CRISPLD2: variants seen among roughly 807,000 people sequenced by gnomAD.
CRISPLD2 encodes cysteine-rich secretory protein LCCL domain-containing 2.
A neutral mutation model predicts 71.1 loss-of-function variants in CRISPLD2; 47 were observed. That is an observed-to-expected ratio of 0.66 (90% CI 0.52 to 0.84). The LOEUF is 0.84. Among genes scored for constraint, CRISPLD2 ranks in the 40% least tolerant of loss-of-function variants. The pLI is 0.00. For missense variants in CRISPLD2, 830 were observed against 651.1 expected (o/e 1.27, Z -2.99); for synonymous variants, 317 against 250.1 (o/e 1.27, Z -2.52).
chr16:84,864,712 G>A (rs770357524), intron 6 of CRISPLD2, among the ~76,000 whole-genome samples: 12 of 152,234 alleles, frequency 7.9e-5, no homozygotes, highest in Non-Finnish European at 1.6e-4. Context: ...TTGTTGAGCA[G>A]CTGCTGTGTG....
chr16:84,871,202 C>T (rs1273312794), intron 8 of CRISPLD2, among the ~76,000 whole-genome samples: 1 of 152,150 alleles, frequency 6.6e-6, no homozygotes, highest in African/African-American at 2.4e-5. Flanking sequence ...TTTTCTTAAA[C>T]ATTAGAGTGA....
chr16:84,827,877 T>C (rs985190688), intron 1 of CRISPLD2, among the ~76,000 whole-genome samples: 2 of 152,184 alleles, frequency 1.3e-5, no homozygotes, highest in Non-Finnish European at 2.9e-5. Flanking sequence ...TACAGTGCCC[T>C]TTCTTTAAGA....
At chr16:84,887,376 A>C (rs2071622422) in intron 13 of CRISPLD2, among the ~76,000 whole-genome samples, 2 of 152,214 alleles carry the variant, frequency 1.3e-5, no homozygotes, top group South Asian at 4.1e-4. Flanking sequence ...CAGTCCACTG[A>C]CAGCCACGGC....
intron 6 of CRISPLD2, 148 bp downstream of exon 6, chr16:84,854,977 G>GT (rs1917197380): frequency 1.5e-6 from 1 of 672,276 alleles, no homozygotes; most frequent in Non-Finnish European, 2.7e-6. Context: ...TCCCGCCTCC[G>GT]TGATGAGCTG....
chr16:84,896,724 C>T (rs1247930341), intron 14 of CRISPLD2, among the ~76,000 whole-genome samples: 5 of 152,158 alleles, frequency 3.3e-5, no homozygotes, highest in African/African-American at 4.8e-5. Context: ...CGCGACCCAC[C>T]GTAAGTCAGG....
At chr16:84,901,925 C>T (rs1448433771) in intron 14 of CRISPLD2, among the ~76,000 whole-genome samples, 3 of 150,806 alleles carry the variant, frequency 2.0e-5, no homozygotes, top group Non-Finnish European at 4.4e-5. Context: ...TCCCAAGTAG[C>T]TGGGATTACA....
intron 13 of CRISPLD2, among the ~76,000 whole-genome samples, chr16:84,885,872 G>A (rs988985261): frequency 9.2e-5 from 13 of 141,254 alleles, no homozygotes; most frequent in Admixed American, 9.0e-4. Context: ...AGGCTGGAGT[G>A]CAGTGGTGCC....
At chr16:84,838,921 C>T (rs753449782) in intron 2 of CRISPLD2, 186 bp downstream of exon 2, 65 of 808,002 alleles carry the variant, frequency 8.0e-5, no homozygotes, top group Non-Finnish European at 1.1e-4. Flanking sequence ...CAGGGTCTCA[C>T]TCTGCCACTG....
chr16:84,872,777 C>T (rs560739101), intron 9 of CRISPLD2, among the ~76,000 whole-genome samples: 1 of 152,182 alleles, frequency 6.6e-6, no homozygotes, highest in East Asian at 1.9e-4. Flanking sequence ...TGTCACTCTT[C>T]TTAGTTTGTA....
intron 1 of CRISPLD2, among the ~76,000 whole-genome samples, chr16:84,822,288 G>T (rs1307866553): frequency 6.6e-6 from 1 of 152,242 alleles, no homozygotes; most frequent in Non-Finnish European, 1.5e-5. Flanking sequence ...GAAGAAGACT[G>T]CGAGGTCTCT....
intron 2 of CRISPLD2, 58 bp from the exon 3 acceptor site, chr16:84,845,728 G>T: frequency 1.7e-6 from 2 of 1,176,800 alleles, no homozygotes; most frequent in South Asian, 2.6e-5. Context: ...TGTATTTATG[G>T]TTCTTATGCC....
intron 6 of CRISPLD2, among the ~76,000 whole-genome samples, chr16:84,855,238 C>T (rs1917205365): frequency 6.6e-6 from 1 of 152,052 alleles, no homozygotes; most frequent in Non-Finnish European, 1.5e-5. Context: ...CATATGAGGC[C>T]ATGTATTAGG....
rs1472154500 is a variant in CRISPLD2, at chr16:84,837,577, C to T, written c.-74-845C>T. ...GACTACAGGCGCGTGACACCACGCC[C>T]GGGTAATTTTTTGTATTTTTTAGTA... is the stretch of plus-strand genomic sequence containing the variant. On this transcript the variant is annotated intron_variant, in intron 1 of 14. Coordinates refer to ENST00000262424, the MANE Select transcript of CRISPLD2 (RefSeq NM_031476.4). Among the ~76,000 whole-genome samples the T allele has an allele frequency of 2.6e-5, 4 of 151,270 alleles. No homozygotes were observed. The South Asian group carries it at 6.3e-4, about 24-fold the overall frequency.
At position 84,889,261 on chromosome 16, in the gene CRISPLD2, C is replaced by G. The variant is rs759125995; in HGVS notation, c.1337C>G (p.Ala446Gly). ...TSSICKTAVH[A>G]GVISNESGGD... ...AGCATCTGCAAGACAGCCGTGCACGCGGGAGTCATCAGCAACGAGAGTGGG... is the reference window on the plus strand; with the variant it reads ...AGCATCTGCAAGACAGCCGTGCACGGGGGAGTCATCAGCAACGAGAGTGGG... Residue 446 changes from alanine (A) to glycine (G), a missense_variant, in exon 14 of 15, where the codon GCG becomes GGG. Ala to Gly is a moderately conservative substitution (Grantham distance 60). Transcript: ENST00000262424. The G allele has an allele frequency of 2.5e-6, 4 of 1,614,086 alleles. No homozygotes were observed. Among genetic ancestry groups the G allele is most frequent in the Non-Finnish European group, 3.4e-6 (4 of 1,180,006 alleles).
intron 12 of CRISPLD2, among the ~76,000 whole-genome samples, chr16:84,878,377 G>T (rs974780132): frequency 7.2e-6 from 1 of 139,580 alleles, no homozygotes; most frequent in Non-Finnish European, 1.5e-5. Flanking sequence ...CCCTGCACCA[G>T]GGAGCTTCTT....
intron 1 of CRISPLD2, among the ~76,000 whole-genome samples, chr16:84,825,945 A>G (rs1397916309): frequency 6.6e-6 from 1 of 151,950 alleles, no homozygotes; most frequent in Non-Finnish European, 1.5e-5. Flanking sequence ...CAACAGAGTG[A>G]GACCCTGTCT....
intron 13 of CRISPLD2, among the ~76,000 whole-genome samples, chr16:84,882,371 A>AAGAAAT (rs368239840): frequency 2.8e-4 from 32 of 114,158 alleles, no homozygotes; most frequent in African/African-American, 3.3e-4. Context: ...AAAAAAAAAA[A>AAGAAAT]GCAAGAACTT....
chr16:84,861,210 A>G (rs1360585686), intron 6 of CRISPLD2, among the ~76,000 whole-genome samples: 1 of 152,194 alleles, frequency 6.6e-6, no homozygotes, highest in Non-Finnish European at 1.5e-5. Flanking sequence ...AGCCAACTCC[A>G]GAAACCCTAA....
At chr16:84,840,999 T>G (rs1304071798) in intron 2 of CRISPLD2, among the ~76,000 whole-genome samples, 1 of 152,204 alleles carries the variant, frequency 6.6e-6, no homozygotes, top group Non-Finnish European at 1.5e-5. Flanking sequence ...ACAAAGCAGA[T>G]GAGGTCCCCG....
Sources: allele counts gnomAD v4.1 joint callset (sites outside exome capture counted in the v4.1 genomes callset), GRCh38; gene constraint gnomAD v4.1.1; transcripts MANE v1.5; gene names NCBI Gene and HGNC (gene_info 2026-07-23, HGNC 2026-07-21).